Variants in EXOC6B observed in about 807,000 individuals in gnomAD.
EXOC6B encodes the protein exocyst complex component 6B, also known as SEC15 homolog B.
In EXOC6B, 54 loss-of-function variants were observed where a neutral mutation model predicts 113.5. The ratio of observed to expected loss-of-function variants is 0.48; its 90% confidence interval spans 0.38 to 0.60. EXOC6B has a LOEUF of 0.60. Among genes scored for constraint, EXOC6B ranks in the 20% least tolerant of loss-of-function variants. EXOC6B has a pLI of 0.00. For synonymous variants in EXOC6B, 357 were observed against 339.0 expected, an observed-to-expected ratio of 1.05 and a Z score of -0.58; for missense variants, 797 against 977.5, an observed-to-expected ratio of 0.82 and a Z score of 2.46.
chr2:72,244,300 T>C (rs952822227), intron 20 of EXOC6B, among the ~76,000 whole-genome samples: 2 of 152,124 alleles, frequency 1.3e-5, no homozygotes, highest in Non-Finnish European at 2.9e-5. Flanking sequence ...CATTTCTGGA[T>C]AAAGCATGAG....
At chr2:72,252,291 ACG>A (rs1491091649) in intron 20 of EXOC6B, among the ~76,000 whole-genome samples, 2 of 136,154 alleles carry the variant, frequency 1.5e-5, no homozygotes, top group African/African-American at 7.3e-5. Flanking sequence ...CATTCTTCAC[ACG>A]TGTGTGTGTG....
chr2:72,746,877 T>C (rs931049468), intron 1 of EXOC6B, among the ~76,000 whole-genome samples: 3 of 151,984 alleles, frequency 2.0e-5, no homozygotes, highest in African/African-American at 7.2e-5. Flanking sequence ...AAATGTTAGT[T>C]GAAACAGGTC....
At chr2:72,302,383 C>T (rs145008253) in intron 20 of EXOC6B, among the ~76,000 whole-genome samples, 1,852 of 152,178 alleles carry the variant, frequency 0.012, 32 homozygotes, top group African/African-American at 0.037. Context: ...AGTTCAGGTC[C>T]TGAATGTCTT....
intron 15 of EXOC6B, among the ~76,000 whole-genome samples, chr2:72,493,506 A>C (rs930495756): frequency 1.3e-5 from 2 of 151,888 alleles, no homozygotes; most frequent in African/African-American, 4.8e-5. Flanking sequence ...TATGTGGTAG[A>C]GTTTTGGGTC....
At chr2:72,509,627 A>G (rs1700789535) in intron 11 of EXOC6B, among the ~76,000 whole-genome samples, 1 of 152,120 alleles carries the variant, frequency 6.6e-6, no homozygotes, top group African/African-American at 2.4e-5. Flanking sequence ...TTAAATTAAG[A>G]AAAAATATTT....
At chr2:72,682,160 G>A (rs1217308172) in intron 6 of EXOC6B, among the ~76,000 whole-genome samples, 2 of 151,966 alleles carry the variant, frequency 1.3e-5, no homozygotes, top group East Asian at 1.9e-4. Flanking sequence ...AAATAAAAAA[G>A]GTGCCAGAAA....
intron 6 of EXOC6B, among the ~76,000 whole-genome samples, chr2:72,634,029 A>G (rs1332830191): frequency 6.6e-6 from 1 of 152,044 alleles, no homozygotes; most frequent in Non-Finnish European, 1.5e-5. Context: ...AACGATCCAG[A>G]TGGGAAAAAA....
chr2:72,686,414 C>G (rs1417369501), intron 6 of EXOC6B, among the ~76,000 whole-genome samples: 1 of 152,164 alleles, frequency 6.6e-6, no homozygotes. Context: ...GAGAGAGATA[C>G]TCTCTTAGAG....
chr2:72,631,455 TATATATAGAGAGAGAGAGAGAGAG>T (rs1672442746), intron 6 of EXOC6B, among the ~76,000 whole-genome samples: 33 of 18,358 alleles, frequency 1.8e-3, no homozygotes, highest in South Asian at 5.7e-3. Flanking sequence ...TATATATATA[TATATATAGAGAGAGAGAGAGAGAG>T]AGAGAGAGAG....
chr2:72,225,647 T>A (rs1054192189), intron 20 of EXOC6B, among the ~76,000 whole-genome samples: 32 of 152,156 alleles, frequency 2.1e-4, no homozygotes, highest in African/African-American at 7.5e-4. Flanking sequence ...GGTGAAAGGG[T>A]AGACCAGAAA....
At chr2:72,641,819 C>A (rs988692281) in intron 6 of EXOC6B, among the ~76,000 whole-genome samples, 1 of 140,390 alleles carries the variant, frequency 7.1e-6, no homozygotes, top group African/African-American at 2.5e-5. Context: ...TAGCGGCCGA[C>A]TGACACCTCA....
intron 1 of EXOC6B, among the ~76,000 whole-genome samples, chr2:72,752,601 C>T (rs1682130158): frequency 6.6e-6 from 1 of 150,860 alleles, no homozygotes; most frequent in African/African-American, 2.4e-5. Context: ...CCTCCCTCAC[C>T]CCTGCCTTTT....
intron 20 of EXOC6B, among the ~76,000 whole-genome samples, chr2:72,224,693 A>G (rs1681091701): frequency 6.6e-6 from 1 of 151,878 alleles, no homozygotes; most frequent in African/African-American, 2.4e-5. Flanking sequence ...GCAGTGGTGC[A>G]ATCTCCACTC....
At chr2:72,381,712 C>T (rs550902437) in intron 18 of EXOC6B, among the ~76,000 whole-genome samples, 1 of 152,080 alleles carries the variant, frequency 6.6e-6, no homozygotes, top group Non-Finnish European at 1.5e-5. Flanking sequence ...AAACTAGACT[C>T]CCAAATATCC....
intron 6 of EXOC6B, among the ~76,000 whole-genome samples, chr2:72,696,688 G>A (rs1677908202): frequency 6.6e-6 from 1 of 152,200 alleles, no homozygotes; most frequent in African/African-American, 2.4e-5. Flanking sequence ...AAGACACCAT[G>A]TGGAGAACTG....
chr2:72,201,937 A>T (rs1391904118), intron 20 of EXOC6B, among the ~76,000 whole-genome samples: 1 of 152,194 alleles, frequency 6.6e-6, no homozygotes, highest in Non-Finnish European at 1.5e-5. Flanking sequence ...TGGGAAGAAG[A>T]TACTAGGAGA....
chr2:72,719,557 G>C (rs1679864776), intron 5 of EXOC6B, among the ~76,000 whole-genome samples: 1 of 152,190 alleles, frequency 6.6e-6, no homozygotes, highest in Non-Finnish European at 1.5e-5. Context: ...AAGAAGGTAG[G>C]TAAAAGTTTA....
intron 18 of EXOC6B, among the ~76,000 whole-genome samples, chr2:72,455,438 G>C (rs1028022859): frequency 2.0e-5 from 3 of 152,118 alleles, no homozygotes; most frequent in African/African-American, 7.2e-5. Flanking sequence ...AAAAGATTCT[G>C]AATAAGAATC....
chr2:72,635,796 C>T (rs1249415378), intron 6 of EXOC6B, among the ~76,000 whole-genome samples: 1 of 152,046 alleles, frequency 6.6e-6, no homozygotes, highest in Non-Finnish European at 1.5e-5. Context: ...ATAAAAATAC[C>T]TTAGCAAAAT....
Sources: allele counts gnomAD v4.1 joint callset (sites outside exome capture counted in the v4.1 genomes callset), GRCh38; gene constraint gnomAD v4.1.1; transcripts MANE v1.5; gene names NCBI Gene and HGNC (gene_info 2026-07-23, HGNC 2026-07-21).